The following ADGRL3 variants were observed in gnomAD, a reference collection of about 807,000 sequenced individuals.
ADGRL3 encodes the protein adhesion G protein-coupled receptor L3, also known as calcium-independent alpha-latrotoxin receptor 3.
In ADGRL3, 62 loss-of-function variants were observed where a neutral mutation model predicts 153.5. That is an observed-to-expected ratio of 0.40 (90% CI 0.33 to 0.50). The LOEUF (loss-of-function observed/expected upper bound fraction) is 0.50. Ranked by LOEUF, ADGRL3 falls within the 20% of genes least tolerant of loss-of-function variation. The pLI is 0.47. For synonymous variants in ADGRL3, 710 were observed against 672.5 expected (o/e 1.06, Z -0.86); for missense variants, 1,641 against 1,859.4 (o/e 0.88, Z 2.16).
chr4:61,852,287 AATTTTATTTTATTTT>A (rs199939145), intron 9 of ADGRL3, among the ~76,000 whole-genome samples: 5 of 105,748 alleles, frequency 4.7e-5, no homozygotes, highest in South Asian at 4.7e-4. Flanking sequence ...ATTTTATTTT[AATTTTATTTTATTTT>A]ATTTTATTTT....
chr4:62,070,461 T>G lies in ADGRL3; in HGVS notation c.4185T>G (p.Ile1395Met). 6.4e-7 allele frequency: 1 copy of G among 1,551,098 alleles called. No homozygotes were observed. Among genetic ancestry groups the G allele is most frequent in the Non-Finnish European group, 8.7e-7 (1 of 1,146,848 alleles). ...AGGAGAGTTTGGGCCTGGAACTCATTCATGAGGAATCTGATGCTCCTTTGC... is the reference window on the plus strand; with the variant it reads ...AGGAGAGTTTGGGCCTGGAACTCATGCATGAGGAATCTGATGCTCCTTTGC... ...NHEESLGLEL[I>M]HEESDAPLLP... Residue 1395 changes from isoleucine (I) to methionine (M), a missense_variant, in exon 27 of 27, where the codon ATT becomes ATG. Coordinates refer to ENST00000683033, the MANE Select transcript of ADGRL3 (RefSeq NM_001387552.1).
intron 17 of ADGRL3, among the ~76,000 whole-genome samples, chr4:61,951,986 A>G (rs1361728060): frequency 6.6e-6 from 1 of 152,166 alleles, no homozygotes; most frequent in Non-Finnish European, 1.5e-5. Flanking sequence ...AAGAGGATTT[A>G]TATTTCAGAT....
chr4:61,636,098 C>A (rs1160323022), intron 5 of ADGRL3, among the ~76,000 whole-genome samples: 1 of 152,084 alleles, frequency 6.6e-6, no homozygotes, highest in East Asian at 1.9e-4. Flanking sequence ...TAACCCCTAT[C>A]GAAACTACAC....
chr4:61,495,310 A>G (rs1287747083), intron 2 of ADGRL3, among the ~76,000 whole-genome samples: 1 of 152,218 alleles, frequency 6.6e-6, no homozygotes, highest in Non-Finnish European at 1.5e-5. Context: ...GAAGTGTATT[A>G]ATACATTCAT....
intron 9 of ADGRL3, among the ~76,000 whole-genome samples, chr4:61,861,534 G>A (rs2098340134): frequency 1.3e-5 from 2 of 151,974 alleles, no homozygotes; most frequent in Admixed American, 1.3e-4. Flanking sequence ...TGGATTAGGT[G>A]GGGTTGTGAT....
At chr4:62,021,190 G>A (rs1207396104) in intron 21 of ADGRL3, among the ~76,000 whole-genome samples, 4 of 151,966 alleles carry the variant, frequency 2.6e-5, no homozygotes, top group African/African-American at 7.2e-5. Flanking sequence ...TATTTATATA[G>A]TACTTTTGCA....
intron 1 of ADGRL3, among the ~76,000 whole-genome samples, chr4:61,242,093 A>G (rs1755206960): frequency 6.6e-6 from 1 of 151,826 alleles, no homozygotes; most frequent in Non-Finnish European, 1.5e-5. Context: ...TTCTTTCCTG[A>G]TTGAGAATAT....
At chr4:61,407,213 T>G (rs1250695684) in intron 2 of ADGRL3, among the ~76,000 whole-genome samples, 1 of 152,048 alleles carries the variant, frequency 6.6e-6, no homozygotes, top group African/African-American at 2.4e-5. Context: ...GGTTTTTTTG[T>G]AACTGGAAGT....
chr4:62,063,618 A>G (rs1193345421), intron 25 of ADGRL3: 2 of 698,232 alleles, frequency 2.9e-6, no homozygotes, highest in South Asian at 3.0e-5. Context: ...TTCTGTCAGC[A>G]TGTACAACGC....
intron 3 of ADGRL3, among the ~76,000 whole-genome samples, chr4:61,511,612 A>G (rs1359091210): frequency 6.6e-6 from 1 of 151,884 alleles, no homozygotes; most frequent in East Asian, 1.9e-4. Flanking sequence ...TTAATGAGGA[A>G]CCTAGTCTGA....
At chr4:61,520,783 C>A (rs2098526303) in intron 4 of ADGRL3, among the ~76,000 whole-genome samples, 2 of 151,560 alleles carry the variant, frequency 1.3e-5, no homozygotes, top group Admixed American at 6.6e-5. Flanking sequence ...GAGTACTAAA[C>A]CTTAGATACC....
At chr4:61,772,990 T>C (rs985316288) in intron 8 of ADGRL3, among the ~76,000 whole-genome samples, 1 of 152,188 alleles carries the variant, frequency 6.6e-6, no homozygotes, top group African/African-American at 2.4e-5. Context: ...AATCTACTTC[T>C]AAGTTTTCTT....
chr4:61,371,298 G>A (rs1368973933), intron 1 of ADGRL3, among the ~76,000 whole-genome samples: 13 of 150,456 alleles, frequency 8.6e-5, no homozygotes, highest in East Asian at 7.9e-4. Context: ...TATTTTGCTC[G>A]TTAGTTGATG....
intron 4 of ADGRL3, among the ~76,000 whole-genome samples, chr4:61,567,960 T>C (rs2098823145): frequency 6.6e-6 from 1 of 152,198 alleles, no homozygotes; most frequent in African/African-American, 2.4e-5. Context: ...GGAACCTCCA[T>C]TGAATTATCT....
At chr4:61,791,022 G>T (rs2097335149) in intron 8 of ADGRL3, among the ~76,000 whole-genome samples, 1 of 152,160 alleles carries the variant, frequency 6.6e-6, no homozygotes, top group Non-Finnish European at 1.5e-5. Context: ...TACAATTCAA[G>T]ATGAGATTTG....
intron 2 of ADGRL3, among the ~76,000 whole-genome samples, chr4:61,437,642 C>T (rs887701731): frequency 2.0e-5 from 3 of 152,178 alleles, no homozygotes; most frequent in Non-Finnish European, 2.9e-5. Context: ...TATAAAATAT[C>T]ATTTTCATCC....
rs1009593597 is a variant in ADGRL3, at chr4:62,073,777, AC to A, written c.*2871del. 7 of 152,262 alleles carry A rather than the reference AC, an allele frequency of 4.6e-5. No homozygotes were observed. Among genetic ancestry groups the A allele is most frequent in the African/African-American group, 1.4e-4 (6 of 41,556 alleles). 9.4% of individuals were successfully genotyped at this position (152,262 alleles called of 1,614,324 possible). Reference sequence around the variant, plus strand: ...AGAACATTCAGCATATAAAGTTACTACCAAGCTCTTGCATCAAGAAAAAAGA... The same window carrying A: ...AGAACATTCAGCATATAAAGTTACTACAAGCTCTTGCATCAAGAAAAAAGA... On this transcript the variant is annotated 3_prime_UTR_variant, in exon 27 of 27. Coordinates refer to ENST00000683033, the MANE Select transcript of ADGRL3 (RefSeq NM_001387552.1).
intron 2 of ADGRL3, among the ~76,000 whole-genome samples, chr4:61,470,956 A>G (rs2097944417): frequency 6.6e-6 from 1 of 151,952 alleles, no homozygotes; most frequent in Non-Finnish European, 1.5e-5. Context: ...AGAACACTGG[A>G]AACATTGACA....
intron 9 of ADGRL3, among the ~76,000 whole-genome samples, chr4:61,835,270 G>C (rs531604488): frequency 7.0e-6 from 1 of 143,104 alleles, no homozygotes; most frequent in Admixed American, 7.3e-5. Flanking sequence ...TTCCCAAGGA[G>C]TCCCAGGCTA....
Sources: gnomAD v4.1 joint callset for allele counts (sites outside exome capture counted in the v4.1 genomes callset) on GRCh38, gnomAD v4.1.1 for gene constraint, MANE v1.5 for transcripts, NCBI Gene and HGNC (gene_info 2026-07-23, HGNC 2026-07-21) for gene names.